SHC4: variants seen among roughly 807,000 people sequenced by gnomAD.
SHC4 encodes the protein SHC adaptor protein 4, also known as SHC-transforming protein 4.
In SHC4, 41 loss-of-function variants were observed where a neutral mutation model predicts 69.4. The ratio of observed to expected loss-of-function variants is 0.59; its 90% CI spans 0.46 to 0.77. The LOEUF (loss-of-function observed/expected upper bound fraction) is 0.77, where lower values mean the gene tolerates loss of function less well. Among genes scored for constraint, SHC4 ranks in the 30% least tolerant of loss-of-function variants. The probability of loss-of-function intolerance (pLI) is 0.00; values close to 1 mark genes in which losing one functional copy is unlikely to be tolerated. For missense variants in SHC4, 777 were observed against 783.8 expected, an observed-to-expected ratio of 0.99 and a Z score of 0.10; for synonymous variants, 318 against 299.3, an observed-to-expected ratio of 1.06 and a Z score of -0.64.
Position 48,949,040 on chromosome 15 carries a change from A to G in SHC4, c.585+13391T>C, listed in dbSNP as rs185001541. ...CTGTAGTCCTGTGTCTTCCACTGGCATCTCTCCCATCCCATCCTAGGCCAC... is the reference window on the plus strand; with the variant it reads ...CTGTAGTCCTGTGTCTTCCACTGGCGTCTCTCCCATCCCATCCTAGGCCAC... On this transcript the variant is annotated intron_variant, in intron 1 of 11. Transcript: ENST00000332408. Among the ~76,000 whole-genome samples the G allele has an allele frequency of 6.4e-4, 97 of 152,144 alleles. 1 individual carries two copies. Among genetic ancestry groups the G allele is most frequent in the Middle Eastern group, 6.8e-3 (2 of 294 alleles).
intron 6 of SHC4, among the ~76,000 whole-genome samples, chr15:48,865,766 A>T (rs4775780): frequency 0.83 from 126,321 of 152,144 alleles, 52,845 homozygotes; most frequent in East Asian, 1. Flanking sequence ...TCAACAGTTC[A>T]CATGAATGCC....
At chr15:48,878,568 C>T (rs865905112) in intron 4 of SHC4, 2 of 1,613,920 alleles carry the variant, frequency 1.2e-6, no homozygotes, top group Non-Finnish European at 1.7e-6. Flanking sequence ...CTTGAAGAAG[C>T]CGACAAGATG....
intron 1 of SHC4, among the ~76,000 whole-genome samples, chr15:48,931,612 A>T (rs957068903): frequency 6.6e-6 from 1 of 152,044 alleles, no homozygotes; most frequent in Non-Finnish European, 1.5e-5. Flanking sequence ...AACTCTGCAC[A>T]CTACCCCCAG....
At chr15:48,843,643 T>C (rs1899034642) in intron 9 of SHC4, 55 bp from the exon 10 acceptor site, 4 of 1,497,258 alleles carry the variant, frequency 2.7e-6, no homozygotes, top group East Asian at 2.3e-5. Context: ...AAATAGTAAA[T>C]AAAATCATGT....
chr15:48,907,312 C>T (rs1900422353), intron 2 of SHC4, among the ~76,000 whole-genome samples: 1 of 151,510 alleles, frequency 6.6e-6, no homozygotes, highest in African/African-American at 2.4e-5. Context: ...GCAACCGCTG[C>T]CTCCTGGGTT....
chr15:48,906,506 T>G (rs1900408344), intron 2 of SHC4, among the ~76,000 whole-genome samples: 1 of 151,958 alleles, frequency 6.6e-6, no homozygotes, highest in Non-Finnish European at 1.5e-5. Context: ...CCCTTTTCCC[T>G]ACCCACTCCC....
At chr15:48,843,369 AGCCC>A in intron 10 of SHC4, 36 bp downstream of exon 10, 1 of 1,530,032 alleles carries the variant, frequency 6.5e-7, no homozygotes. Flanking sequence ...TTGTTAAAAC[AGCCC>A]TAAGAAATGA....
chr15:48,948,083 G>T (rs1901305429), intron 1 of SHC4: 1 of 152,230 alleles, frequency 6.6e-6, no homozygotes. Context: ...TCTTGGATAG[G>T]ATTCTGCATG....
At chr15:48,931,822 A>G (rs1462727614) in intron 1 of SHC4, among the ~76,000 whole-genome samples, 1 of 152,112 alleles carries the variant, frequency 6.6e-6, no homozygotes, top group East Asian at 1.9e-4. Flanking sequence ...GAGAAAGAGT[A>G]TCTGAATTTA....
chr15:48,836,895 T>C (rs535833166), intron 10 of SHC4, among the ~76,000 whole-genome samples: 1 of 152,368 alleles, frequency 6.6e-6, no homozygotes, highest in Non-Finnish European at 1.5e-5. Context: ...CACTCTCTTC[T>C]ACAATCAAAT....
intron 11 of SHC4, among the ~76,000 whole-genome samples, chr15:48,829,372 C>T (rs1404813449): frequency 6.6e-6 from 1 of 152,076 alleles, no homozygotes; most frequent in East Asian, 1.9e-4. Context: ...CTATTTCCCC[C>T]TTTAGTTCTG....
intron 2 of SHC4, among the ~76,000 whole-genome samples, chr15:48,912,030 T>C (rs1900517183): frequency 6.6e-6 from 1 of 152,240 alleles, no homozygotes; most frequent in South Asian, 2.1e-4. Context: ...CTCTTAAGAT[T>C]CTTTCCTTCG....
chr15:48,903,275 G>C (rs1357534690), intron 2 of SHC4, among the ~76,000 whole-genome samples: 3 of 152,198 alleles, frequency 2.0e-5, no homozygotes, highest in Admixed American at 1.3e-4. Context: ...TGCACCAACT[G>C]TCCTGCATTT....
At chr15:48,832,014 T>C (rs993039534) in intron 11 of SHC4, among the ~76,000 whole-genome samples, 2 of 152,242 alleles carry the variant, frequency 1.3e-5, no homozygotes, top group Non-Finnish European at 2.9e-5. Context: ...CTCACGCCTA[T>C]AATCCCAGCA....
intron 1 of SHC4, among the ~76,000 whole-genome samples, chr15:48,958,224 G>A (rs1481206058): frequency 1.3e-5 from 2 of 152,206 alleles, no homozygotes; most frequent in African/African-American, 4.8e-5. Context: ...AGTTCCATGG[G>A]CTGGTCCTAT....
intron 9 of SHC4, among the ~76,000 whole-genome samples, chr15:48,844,937 G>T (rs532204272): frequency 1.1e-4 from 16 of 152,146 alleles, no homozygotes; most frequent in Admixed American, 9.8e-4. Flanking sequence ...CCCAGTCTTG[G>T]GTATGTCTTT....
At chr15:48,857,532 G>A (rs929645274) in intron 7 of SHC4, among the ~76,000 whole-genome samples, 160 bp downstream of exon 7, 4 of 151,968 alleles carry the variant, frequency 2.6e-5, no homozygotes, top group Non-Finnish European at 5.9e-5. Context: ...ATATTATTTT[G>A]TACTGAGACT....
At chr15:48,861,357 G>A (rs1899438602) in intron 6 of SHC4, among the ~76,000 whole-genome samples, 1 of 152,232 alleles carries the variant, frequency 6.6e-6, no homozygotes, top group Non-Finnish European at 1.5e-5. Flanking sequence ...ACCTCATGCA[G>A]ATGTTCTGCC....
chr15:48,922,417 GA>G (rs1900767769), intron 2 of SHC4, among the ~76,000 whole-genome samples: 1 of 152,178 alleles, frequency 6.6e-6, no homozygotes, highest in Admixed American at 6.5e-5. Context: ...ATAAATAATA[GA>G]AATGTATTTC....
Sources: allele counts gnomAD v4.1 joint callset (sites outside exome capture counted in the v4.1 genomes callset), GRCh38; gene constraint gnomAD v4.1.1; transcripts MANE v1.5; gene names NCBI Gene and HGNC (gene_info 2026-07-23, HGNC 2026-07-21).